CELF2: variants seen among roughly 807,000 people sequenced by gnomAD.
CELF2 encodes the protein CUGBP Elav-like family member 2, also known as CUG triplet repeat RNA-binding protein 2.
Under a neutral mutation model 62.6 loss-of-function variants are expected in CELF2, and 8 were observed. The ratio of observed to expected loss-of-function variants is 0.13; its 90% CI spans 0.07 to 0.23. The LOEUF is 0.23. Among genes scored for constraint, CELF2 ranks in the 10% least tolerant of loss-of-function variants. The pLI is 1.00. For missense variants in CELF2, 333 were observed against 671.0 expected (o/e 0.50, Z 5.56); for synonymous variants, 258 against 250.0 (o/e 1.03, Z -0.30).
intron 2 of CELF2, among the ~76,000 whole-genome samples, chr10:10,942,397 T>C (rs888106908): frequency 6.6e-6 from 1 of 152,120 alleles, no homozygotes; most frequent in Non-Finnish European, 1.5e-5. Context: ...CTCATTTGTG[T>C]AGTTGTTGGA....
the CELF2 span, among the ~76,000 whole-genome samples, chr10:10,667,973 A>T: frequency 6.6e-6 from 1 of 152,224 alleles, no homozygotes; most frequent in Non-Finnish European, 1.5e-5. Flanking sequence ...AGAGGCACAG[A>T]TTCAAACAAG....
At chr10:11,000,993 G>C (rs2054464681), upstream of CELF2, among the ~76,000 whole-genome samples, 1 of 152,160 alleles carries the variant, frequency 6.6e-6, no homozygotes, top group African/African-American at 2.4e-5. Context: ...TGGGGTCAGA[G>C]GAGCTTTGTG....
the CELF2 span, among the ~76,000 whole-genome samples, chr10:10,783,829 C>CA: frequency 7.3e-5 from 11 of 150,678 alleles, no homozygotes; most frequent in South Asian, 6.3e-4. Context: ...ACTAAAAATA[C>CA]AAAAAAAAAG....
At chr10:10,913,667 A>C (rs2064027936) in intron 1 of CELF2, among the ~76,000 whole-genome samples, 1 of 151,498 alleles carries the variant, frequency 6.6e-6, no homozygotes, top group African/African-American at 2.4e-5. Flanking sequence ...TTGTGATTAC[A>C]GGTGTGAGCC....
rs543948318 is a variant in CELF2, at chr10:11,062,945, C to A, written c.74+44782C>A. On this transcript the variant is annotated intron_variant, in intron 1 of 12. Coordinates refer to ENST00000633077, the MANE Select transcript of CELF2 (RefSeq NM_001326342.2). ...TGCCACATCCTTCAGCAGCACCCCC[C>A]CCGCCATCAGTCAGTAGCCATCAGC... 5.3e-5 allele frequency among the ~76,000 whole-genome samples: 8 copies of A among 152,142 alleles called. No individual in the cohort carries two copies. In the South Asian group the frequency reaches 6.2e-4, roughly 12 times the overall value.
At chr10:11,076,742 A>G (rs1023723828) in intron 1 of CELF2, among the ~76,000 whole-genome samples, 6 of 152,218 alleles carry the variant, frequency 3.9e-5, no homozygotes, top group Admixed American at 2.0e-4. Context: ...GAGTTGATCT[A>G]TGGACTTAGG....
rs2078513849 is a variant in CELF2 at position 11,255,690 on chromosome 10, C to T, written c.404-2048C>T. On this transcript the variant is annotated intron_variant, in intron 4 of 12. Transcript: ENST00000633077. This position sits in a 1 kb window ranked among gnomAD's most constrained non-coding sequence, Gnocchi z 5.5. ...GGAAGGGATTCTGACCCCCCACTCACCGTCCCTGCCTCAAGAGCCCCAGTC... is the reference window on the plus strand; with the variant it reads ...GGAAGGGATTCTGACCCCCCACTCATCGTCCCTGCCTCAAGAGCCCCAGTC... Among the ~76,000 whole-genome samples, 1 of 152,282 alleles carries T rather than the reference C, an allele frequency of 6.6e-6. No individual in the cohort carries two copies. The highest frequency in any genetic ancestry group is 1.9e-4 in the East Asian group (1 of 5,172).
At chr10:10,531,866 G>T in the CELF2 span, among the ~76,000 whole-genome samples, 1 of 152,218 alleles carries the variant, frequency 6.6e-6, no homozygotes, top group Non-Finnish European at 1.5e-5. Flanking sequence ...CCCACAGACA[G>T]GAGCAAATGG....
At chr10:10,547,712 T>A in the CELF2 span, among the ~76,000 whole-genome samples, 1 of 151,924 alleles carries the variant, frequency 6.6e-6, no homozygotes, top group Admixed American at 6.6e-5. Context: ...TGTGTGTGTG[T>A]GTGTGTGTGT....
At chr10:11,092,012 C>T (rs1285264803) in intron 1 of CELF2, among the ~76,000 whole-genome samples, 2 of 152,162 alleles carry the variant, frequency 1.3e-5, no homozygotes, top group East Asian at 1.9e-4. Context: ...AAAACCATAA[C>T]CATTGGGATG....
the CELF2 span, among the ~76,000 whole-genome samples, chr10:10,699,643 G>A: frequency 6.6e-6 from 1 of 152,162 alleles, no homozygotes; most frequent in Admixed American, 6.5e-5. Context: ...GCAGACAGAG[G>A]GGGATGCCTG....
intron 1 of CELF2, among the ~76,000 whole-genome samples, chr10:10,840,722 A>G (rs2058624330): frequency 6.6e-6 from 1 of 152,116 alleles, no homozygotes; most frequent in African/African-American, 2.4e-5. Flanking sequence ...CATGCAGAAC[A>G]TGCAGGTTTG....
the CELF2 span, among the ~76,000 whole-genome samples, chr10:10,532,608 C>T: frequency 1.3e-5 from 2 of 152,146 alleles, no homozygotes; most frequent in African/African-American, 4.8e-5. Flanking sequence ...CACAGCCTTG[C>T]TCCAGTTCCT....
chr10:11,116,259 G>A (rs180925556), intron 1 of CELF2, among the ~76,000 whole-genome samples: 19 of 152,310 alleles, frequency 1.2e-4, no homozygotes, highest in Admixed American at 1.2e-3. Context: ...CTTAACTGCA[G>A]TGGAGCCTTT....
At chr10:11,025,714 G>A (rs4750013) in intron 1 of CELF2, among the ~76,000 whole-genome samples, 1 of 152,150 alleles carries the variant, frequency 6.6e-6, no homozygotes, top group Non-Finnish European at 1.5e-5. Context: ...TTACAAAAGT[G>A]ATCATACTTG....
chr10:10,717,622 T>A, the CELF2 span, among the ~76,000 whole-genome samples: 1 of 152,196 alleles, frequency 6.6e-6, no homozygotes, highest in Non-Finnish European at 1.5e-5. Flanking sequence ...ACCTTTTAAG[T>A]CATATGTTGG....
At chr10:11,210,128 T>A (rs569593722) in intron 2 of CELF2, among the ~76,000 whole-genome samples, 27 of 152,248 alleles carry the variant, frequency 1.8e-4, no homozygotes, top group Non-Finnish European at 3.8e-4. Flanking sequence ...ACATGATGAC[T>A]TTTTTGATGT....
chr10:10,631,336 C>G, the CELF2 span, among the ~76,000 whole-genome samples: 1 of 152,228 alleles, frequency 6.6e-6, no homozygotes, highest in African/African-American at 2.4e-5. Flanking sequence ...TGAAACTCTT[C>G]TGTGCAGGCA....
At chr10:11,122,237 A>G (rs966129265) in intron 1 of CELF2, among the ~76,000 whole-genome samples, 2 of 152,178 alleles carry the variant, frequency 1.3e-5, no homozygotes, top group African/African-American at 4.8e-5. Context: ...TCCTTTCTTA[A>G]TATGACAGCC....
Sources: gnomAD v4.1 joint callset for allele counts (sites outside exome capture counted in the v4.1 genomes callset) on GRCh38, gnomAD v4.1.1 for gene constraint, Gnocchi (gnomAD v3.1) non-coding constraint, MANE v1.5 for transcripts, NCBI Gene and HGNC (gene_info 2026-07-23, HGNC 2026-07-21) for gene names.